The following BRINP3 variants were observed in gnomAD, a reference collection of about 807,000 sequenced individuals.
BRINP3 encodes the protein BMP/retinoic acid inducible neural specific 3.
In BRINP3, 19 loss-of-function variants were observed where a neutral mutation model predicts 71.0. The ratio of observed to expected loss-of-function variants is 0.27; its 90% CI spans 0.19 to 0.39. The LOEUF (loss-of-function observed/expected upper bound fraction) is 0.39, where lower values mean the gene tolerates loss of function less well. Ranked by LOEUF, BRINP3 falls within the 10% of genes least tolerant of loss-of-function variation. The probability of loss-of-function intolerance (pLI) is 1.00; values close to 1 mark genes in which losing one functional copy is unlikely to be tolerated. For missense variants in BRINP3, 959 were observed against 940.8 expected (o/e 1.02, Z -0.25); for synonymous variants, 380 against 337.7 (o/e 1.13, Z -1.37).
chr1:190,293,847 T>G (rs1267358008), intron 2 of BRINP3, among the ~76,000 whole-genome samples: 1 of 152,174 alleles, frequency 6.6e-6, no homozygotes, highest in Non-Finnish European at 1.5e-5. Context: ...CTCCTGCTCT[T>G]TTTTGGTTTT....
chr1:190,382,604 A>G (rs115071866), intron 2 of BRINP3, among the ~76,000 whole-genome samples: 60 of 152,322 alleles, frequency 3.9e-4, no homozygotes, highest in African/African-American at 1.3e-3. Flanking sequence ...TGCCGAGGCA[A>G]GGTACATATT....
intron 4 of BRINP3, among the ~76,000 whole-genome samples, chr1:190,259,979 C>T (rs1661032381): frequency 6.9e-6 from 1 of 144,808 alleles, no homozygotes; most frequent in South Asian, 2.3e-4. Context: ...AGTTAGCCAA[C>T]ATTGAGCCAC....
At chr1:190,269,910 C>A (rs1661961957) in intron 3 of BRINP3, among the ~76,000 whole-genome samples, 1 of 151,950 alleles carries the variant, frequency 6.6e-6, no homozygotes, top group South Asian at 2.1e-4. Context: ...GGATGACTGA[C>A]TAAAACATGC....
chr1:190,290,273 A>T (rs531670631), intron 2 of BRINP3, among the ~76,000 whole-genome samples: 6 of 152,252 alleles, frequency 3.9e-5, no homozygotes, highest in Non-Finnish European at 8.8e-5. Context: ...GGAAGTTTAG[A>T]AATATGCTAT....
intron 4 of BRINP3, among the ~76,000 whole-genome samples, chr1:190,261,343 G>A (rs919522157): frequency 6.6e-6 from 1 of 151,934 alleles, no homozygotes; most frequent in Non-Finnish European, 1.5e-5. Context: ...AAATAATATT[G>A]TGAAATAAAA....
At chr1:190,270,869 C>T (rs1252135958) in intron 3 of BRINP3, among the ~76,000 whole-genome samples, 1 of 151,554 alleles carries the variant, frequency 6.6e-6, no homozygotes, top group East Asian at 1.9e-4. Context: ...AAGATCAACC[C>T]TCATGCATTC....
At chr1:190,229,507 G>A (rs553717832) in intron 5 of BRINP3, among the ~76,000 whole-genome samples, 21 of 151,708 alleles carry the variant, frequency 1.4e-4, no homozygotes, top group Middle Eastern at 3.4e-3. Context: ...TAATATGTTG[G>A]GCATATCTTT....
At chr1:190,296,793 C>G (rs1200617902) in intron 2 of BRINP3, among the ~76,000 whole-genome samples, 1 of 151,904 alleles carries the variant, frequency 6.6e-6, no homozygotes, top group East Asian at 1.9e-4. Context: ...AAGAAAACAA[C>G]CCCATTTGCG....
At chr1:190,366,061 T>G (rs1394486921) in intron 2 of BRINP3, among the ~76,000 whole-genome samples, 1 of 151,884 alleles carries the variant, frequency 6.6e-6, no homozygotes, top group Non-Finnish European at 1.5e-5. Context: ...CCTTAGAAAC[T>G]TAGAAAGGTA....
At chr1:190,405,626 G>T (rs541717827) in intron 2 of BRINP3, among the ~76,000 whole-genome samples, 1 of 151,990 alleles carries the variant, frequency 6.6e-6, no homozygotes, top group African/African-American at 2.4e-5. Flanking sequence ...TATCACATTA[G>T]GACGCAAGAC....
chr1:190,292,609 C>T (rs529018), intron 2 of BRINP3, among the ~76,000 whole-genome samples: 59,184 of 151,670 alleles, frequency 0.39, 12,688 homozygotes, highest in Non-Finnish European at 0.49. Flanking sequence ...TCTGTGATTG[C>T]ACCACTGCAC....
chr1:190,161,263 C>T (rs1650915631), intron 6 of BRINP3, among the ~76,000 whole-genome samples: 1 of 151,752 alleles, frequency 6.6e-6, no homozygotes, highest in South Asian at 2.1e-4. Flanking sequence ...TCATTTTTGG[C>T]AATGGTATTA....
intron 6 of BRINP3, among the ~76,000 whole-genome samples, chr1:190,225,717 G>A (rs2102700393): frequency 6.6e-6 from 1 of 152,028 alleles, no homozygotes; most frequent in South Asian, 2.1e-4. Flanking sequence ...AAAAGGTATA[G>A]AACAAATGCT....
intron 6 of BRINP3, among the ~76,000 whole-genome samples, chr1:190,180,996 A>T (rs1652982533): frequency 1.3e-5 from 2 of 152,076 alleles, no homozygotes; most frequent in South Asian, 4.1e-4. Context: ...CAAGATCAGT[A>T]CTATTCTATC....
chr1:190,264,907 A>G lies in BRINP3; in HGVS notation c.576T>C (p.Leu192=). Residue 192 remains leucine (L), a synonymous_variant, in exon 4 of 8, where the codon CTT becomes CTC. Coordinates refer to ENST00000367462, the MANE Select transcript of BRINP3 (RefSeq NM_199051.3). ...CAATTTGAATGTGGTGAAGTCTCCG[A>G]AGGGTGCTGTCCCTGTCAATGAAAT... The part of the protein sequence containing the change: ...ASYFIDRDST[L]RRLHHIQIAS... 6.2e-7 allele frequency: 1 copy of G among 1,613,752 alleles called. No individual in the cohort carries two copies. The highest frequency in any genetic ancestry group is 8.5e-7 in the Non-Finnish European group (1 of 1,179,894).
chr1:190,204,025 C>G (rs549240599), intron 6 of BRINP3, among the ~76,000 whole-genome samples: 6 of 151,174 alleles, frequency 4.0e-5, no homozygotes, highest in Non-Finnish European at 5.9e-5. Context: ...GATACCAATT[C>G]TTCTAAAAAT....
intron 2 of BRINP3, among the ~76,000 whole-genome samples, chr1:190,340,550 T>C (rs1263978401): frequency 1.3e-5 from 2 of 151,858 alleles, no homozygotes; most frequent in Admixed American, 6.6e-5. Flanking sequence ...TCCCAATCTT[T>C]CTAATATTTC....
intron 7 of BRINP3, among the ~76,000 whole-genome samples, chr1:190,130,974 C>G (rs978897072): frequency 6.6e-6 from 1 of 151,786 alleles, no homozygotes; most frequent in Non-Finnish European, 1.5e-5. Context: ...AATCCTGCTC[C>G]CTATGCCCTA....
intron 7 of BRINP3, among the ~76,000 whole-genome samples, chr1:190,104,423 C>A (rs1651965735): frequency 6.6e-6 from 1 of 152,024 alleles, no homozygotes; most frequent in Admixed American, 6.6e-5. Flanking sequence ...TAAATGTAAA[C>A]TCTTATTCCT....
Sources: gnomAD v4.1 joint callset for allele counts (sites outside exome capture counted in the v4.1 genomes callset) on GRCh38, gnomAD v4.1.1 for gene constraint, MANE v1.5 for transcripts, NCBI Gene and HGNC (gene_info 2026-07-23, HGNC 2026-07-21) for gene names.